Variants in TBC1D22A observed in about 807,000 individuals in gnomAD.
TBC1D22A encodes TBC1 domain family member 22A.
In TBC1D22A, 38 loss-of-function variants were observed where a neutral mutation model predicts 60.2. That is an observed-to-expected ratio of 0.63 (90% CI 0.49 to 0.83). The LOEUF (loss-of-function observed/expected upper bound fraction) is 0.83, where lower values mean the gene tolerates loss of function less well. Ranked by LOEUF, TBC1D22A falls within the 40% of genes least tolerant of loss-of-function variation. TBC1D22A has a pLI of 0.00. For missense variants in TBC1D22A, 628 were observed against 701.0 expected (o/e 0.90, Z 1.18); for synonymous variants, 302 against 281.7 (o/e 1.07, Z -0.72).
intron 1 of TBC1D22A, among the ~76,000 whole-genome samples, chr22:46,770,013 C>A (rs1010453672): frequency 1.3e-5 from 2 of 152,076 alleles, no homozygotes; most frequent in African/African-American, 4.8e-5. Context: ...CATCCCTGAC[C>A]CCTGTGAATA....
chr22:46,792,468 T>C, intron 1 of TBC1D22A, 52 bp from the exon 2 acceptor site: 2 of 1,613,318 alleles, frequency 1.2e-6, no homozygotes, highest in Non-Finnish European at 8.5e-7. Flanking sequence ...GGTGGAGGGC[T>C]CTTGGGAAGG....
intron 10 of TBC1D22A, among the ~76,000 whole-genome samples, chr22:47,035,887 G>A (rs1357620596): frequency 1.3e-5 from 2 of 152,234 alleles, no homozygotes; most frequent in Non-Finnish European, 2.9e-5. Context: ...GGACCCTCCT[G>A]TTCCTCTTCC....
At chr22:46,884,472 G>A (rs1004611886) in intron 5 of TBC1D22A, among the ~76,000 whole-genome samples, 1 of 152,200 alleles carries the variant, frequency 6.6e-6, no homozygotes, top group Non-Finnish European at 1.5e-5. Context: ...GCAGTGCCGT[G>A]GGCTCCTCCC....
intron 8 of TBC1D22A, among the ~76,000 whole-genome samples, chr22:46,948,527 G>C (rs1233788923): frequency 6.6e-6 from 1 of 152,206 alleles, no homozygotes; most frequent in Non-Finnish European, 1.5e-5. Context: ...CCCACGGTGG[G>C]TTTCTCACTC....
chr22:46,900,773 GT>G (rs2068949912), intron 7 of TBC1D22A, among the ~76,000 whole-genome samples: 1 of 152,310 alleles, frequency 6.6e-6, no homozygotes, highest in Admixed American at 6.5e-5. Flanking sequence ...GTACCACAGT[GT>G]GTCTGTCTGT....
chr22:47,012,811 G>A (rs958978464), intron 10 of TBC1D22A, among the ~76,000 whole-genome samples: 5 of 152,266 alleles, frequency 3.3e-5, no homozygotes, highest in East Asian at 3.9e-4. Context: ...TCATGACCGC[G>A]GAGGACATTC....
intron 9 of TBC1D22A, 51 bp downstream of exon 9, chr22:46,974,450 G>A (rs1410409600): frequency 1.2e-5 from 18 of 1,485,364 alleles, no homozygotes; most frequent in Non-Finnish European, 1.6e-5. Flanking sequence ...CCCCTGCGGT[G>A]AAGAGAGCCT....
chr22:47,022,359 T>G (rs996422660), intron 10 of TBC1D22A, among the ~76,000 whole-genome samples: 4 of 152,158 alleles, frequency 2.6e-5, no homozygotes, highest in Non-Finnish European at 5.9e-5. Flanking sequence ...GTGAGCTCCA[T>G]GATTGCATGA....
chr22:46,955,160 T>C (rs919894522), intron 8 of TBC1D22A, among the ~76,000 whole-genome samples: 1 of 152,218 alleles, frequency 6.6e-6, no homozygotes, highest in African/African-American at 2.4e-5. Flanking sequence ...TGTTACGTGG[T>C]ATGTTACTTA....
chr22:47,105,501 C>G (rs1488475058), intron 11 of TBC1D22A, among the ~76,000 whole-genome samples: 1 of 152,194 alleles, frequency 6.6e-6, no homozygotes, highest in Non-Finnish European at 1.5e-5. Flanking sequence ...GAGTCAAAAC[C>G]TGGGGACTGT....
Position 46,990,042 on chromosome 22 carries a change from G to T in TBC1D22A, c.1126-7592G>T, listed in dbSNP as rs529846664. 6.6e-6 allele frequency among the ~76,000 whole-genome samples: 1 copy of T among 152,292 alleles called. No homozygotes were observed. Among genetic ancestry groups the T allele is most frequent in the East Asian group, 1.9e-4 (1 of 5,186 alleles). ...TGGTCTTGAACTCCTGGGCTCAAGC[G>T]AGCTGCCCATGTTGGCCTCCCAAAG... On this transcript the variant is annotated intron_variant, in intron 9 of 12. Transcript: ENST00000337137. This position sits in a 1 kb window ranked among gnomAD's most constrained non-coding sequence, Gnocchi z 4.6.
At chr22:46,979,725 G>A (rs1005053099) in intron 9 of TBC1D22A, among the ~76,000 whole-genome samples, 16 of 152,186 alleles carry the variant, frequency 1.1e-4, no homozygotes, top group Non-Finnish European at 2.9e-5. Context: ...GCACTGCCCT[G>A]CCTGCTGCCA....
At chr22:46,823,878 C>T (rs931337504) in intron 4 of TBC1D22A, among the ~76,000 whole-genome samples, 1 of 152,170 alleles carries the variant, frequency 6.6e-6, no homozygotes, top group African/African-American at 2.4e-5. Flanking sequence ...CACCTGACCC[C>T]ATCCGCACAC....
chr22:47,156,990 A>G (rs1377775759), intron 12 of TBC1D22A, among the ~76,000 whole-genome samples: 1 of 152,202 alleles, frequency 6.6e-6, no homozygotes, highest in East Asian at 1.9e-4. Context: ...ACCTGGTACC[A>G]TTCCCATCCA....
chr22:46,897,166 G>A (rs534098312), intron 7 of TBC1D22A, among the ~76,000 whole-genome samples: 190 of 152,158 alleles, frequency 1.2e-3, no homozygotes, highest in Non-Finnish European at 1.3e-3. Context: ...AGGAAAGAAT[G>A]AAGCAGCAAA....
intron 4 of TBC1D22A, among the ~76,000 whole-genome samples, chr22:46,799,746 G>T (rs1300487836): frequency 1.3e-5 from 2 of 152,234 alleles, no homozygotes; most frequent in Non-Finnish European, 2.9e-5. Context: ...GTTTGTGCTT[G>T]TCTGATGTTT....
chr22:47,169,603 G>T (rs772404164), intron 12 of TBC1D22A, among the ~76,000 whole-genome samples: 7 of 152,086 alleles, frequency 4.6e-5, no homozygotes, highest in Non-Finnish European at 8.8e-5. Flanking sequence ...GCAGACACTC[G>T]GTGTCCACTG....
chr22:46,976,667 C>G (rs536067700), intron 9 of TBC1D22A, among the ~76,000 whole-genome samples: 5 of 152,212 alleles, frequency 3.3e-5, no homozygotes, highest in Admixed American at 2.6e-4. Context: ...TGGAACTGCT[C>G]GAACCATCTT....
chr22:46,951,002 G>A (rs1037247939), intron 8 of TBC1D22A, among the ~76,000 whole-genome samples: 6 of 152,166 alleles, frequency 3.9e-5, no homozygotes, highest in Admixed American at 3.3e-4. Flanking sequence ...GCATCCATCC[G>A]TAGAAGTGTG....
Sources: allele counts gnomAD v4.1 joint callset (sites outside exome capture counted in the v4.1 genomes callset), GRCh38; gene constraint gnomAD v4.1.1; non-coding constraint Gnocchi (gnomAD v3.1); transcripts MANE v1.5; gene names NCBI Gene and HGNC (gene_info 2026-07-23, HGNC 2026-07-21).